RXRG: variants seen among roughly 807,000 people sequenced by gnomAD.
RXRG encodes retinoic acid receptor RXR-gamma.
RXRG carries 19 observed loss-of-function variants against 49.2 expected under a neutral mutation model. The ratio of observed to expected loss-of-function variants is 0.39; its 90% CI spans 0.27 to 0.57. The LOEUF (loss-of-function observed/expected upper bound fraction) is 0.57. Ranked by LOEUF, RXRG falls within the 20% of genes least tolerant of loss-of-function variation. The pLI, the probability that RXRG is intolerant of heterozygous loss-of-function variation, is 0.64. For synonymous variants in RXRG, 224 were observed against 216.6 expected (o/e 1.03, Z -0.30); for missense variants, 452 against 592.5 (o/e 0.76, Z 2.46).
chr1:165,413,895 A>G (rs1658037768), intron 4 of RXRG, among the ~76,000 whole-genome samples: 1 of 152,212 alleles, frequency 6.6e-6, no homozygotes, highest in Non-Finnish European at 1.5e-5. Context: ...AAAGGGCAAC[A>G]GGTCCTGGCC....
At chr1:165,436,996 T>C (rs1658835477) in intron 1 of RXRG, 4 of 1,142,000 alleles carry the variant, frequency 3.5e-6, no homozygotes, top group Non-Finnish European at 4.4e-6. Flanking sequence ...ACAAAGCACT[T>C]AATGAATATC....
intron 1 of RXRG, among the ~76,000 whole-genome samples, chr1:165,434,759 T>A (rs994802369): frequency 6.6e-6 from 1 of 152,210 alleles, no homozygotes; most frequent in African/African-American, 2.4e-5. Context: ...TGGAGGGATA[T>A]GGTGTGAAGG....
intron 4 of RXRG, 108 bp downstream of exon 4, chr1:165,416,933 T>C: frequency 9.5e-7 from 1 of 1,053,786 alleles, no homozygotes; most frequent in Non-Finnish European, 1.4e-6. Flanking sequence ...GAAGTGGAGA[T>C]TAGGATGACT....
At chr1:165,404,249 G>A (rs1331973892) in intron 9 of RXRG, among the ~76,000 whole-genome samples, 3 of 152,198 alleles carry the variant, frequency 2.0e-5, no homozygotes, top group African/African-American at 7.2e-5. Flanking sequence ...AGGGCAGTCA[G>A]CCTCAGTCCA....
At chr1:165,420,105 A>G (rs1166902980) in intron 2 of RXRG, 91 bp from the exon 3 acceptor site, 1 of 1,054,276 alleles carries the variant, frequency 9.5e-7, no homozygotes, top group Non-Finnish European at 1.3e-6. Flanking sequence ...AAGAAAAAAC[A>G]AGTTCTATTT....
chr1:165,420,288 A>T (rs950822527), intron 2 of RXRG, among the ~76,000 whole-genome samples: 4 of 152,164 alleles, frequency 2.6e-5, no homozygotes, highest in African/African-American at 9.7e-5. Context: ...CATTTTACTC[A>T]TATGTTTTAT....
chr1:165,430,004 C>T (rs1357474868), intron 1 of RXRG, among the ~76,000 whole-genome samples: 2 of 152,080 alleles, frequency 1.3e-5, no homozygotes, highest in African/African-American at 4.8e-5. Context: ...GGCACCCCAC[C>T]GTGGATCCCA....
Position 165,425,301 on chromosome 1 carries a change from T to C in RXRG, c.297+3418A>G, listed in dbSNP as rs543721624. Among the ~76,000 whole-genome samples the C allele has an allele frequency of 3.9e-5, 6 of 152,310 alleles. No individual in the cohort carries two copies. In the South Asian group the frequency reaches 1.2e-3, roughly 32 times the overall value. On this transcript the variant is annotated intron_variant, in intron 2 of 9. Coordinates refer to ENST00000359842, the MANE Select transcript of RXRG (RefSeq NM_006917.5). The stretch of plus-strand genomic sequence containing the variant: ...ACCCTATTTTATTTCTTTTCAGATA[T>C]TACGATTTTTATTTGAAACTATCTT...
intron 1 of RXRG, among the ~76,000 whole-genome samples, chr1:165,440,423 T>A (rs1186399597): frequency 6.6e-6 from 1 of 152,184 alleles, no homozygotes; most frequent in Non-Finnish European, 1.5e-5. Flanking sequence ...GATTTTTTTT[T>A]ATTTTGGAAT....
At chr1:165,435,428 C>T (rs1436251469) in intron 1 of RXRG, among the ~76,000 whole-genome samples, 1 of 152,166 alleles carries the variant, frequency 6.6e-6, no homozygotes, top group African/African-American at 2.4e-5. Flanking sequence ...CTGCCCAAGA[C>T]CCGCTAGCTG....
In RXRG at chr1:165,408,231, G is replaced by A; in HGVS notation, c.1134C>T (p.Asn378=). Residue 378 remains asparagine (N), a synonymous_variant, in exon 8 of 10, where the codon AAC becomes AAT. Transcript: ENST00000359842. ...LGCLRAIVLF[N]PDAKGLSNPS... The stretch of plus-strand genomic sequence containing the variant: ...CTGGGGTTGAAGGGCGGTTACCTGG[G>A]TTAAAGAGTACAATGGCTCGCAGGC... The A allele has an allele frequency of 6.2e-7, 1 of 1,613,462 alleles. No individual in the cohort carries two copies. Among genetic ancestry groups the A allele is most frequent in the South Asian group, 1.1e-5 (1 of 91,068 alleles).
At chr1:165,420,166 T>C in intron 2 of RXRG, 152 bp from the exon 3 acceptor site, 1 of 570,446 alleles carries the variant, frequency 1.8e-6, no homozygotes, top group Non-Finnish European at 2.7e-6. Flanking sequence ...ATCTGTGAGA[T>C]GAACTTAAGG....
Position 165,428,741 on chromosome 1 carries a change from A to C in RXRG, c.275T>G (p.Leu92Trp), listed in dbSNP as rs1325415563. 2 of 1,601,664 alleles carry C rather than the reference A, an allele frequency of 1.2e-6. No homozygotes were observed. The highest frequency in any genetic ancestry group is 1.7e-6 in the Non-Finnish European group (2 of 1,170,906). The part of the protein sequence containing the change: ...GALAAPPGIN[L>W]VAPPSSQLNV... ...TACCTGAGAGCTGGGTGGGGCAACC[A>C]AGTTGATTCCTGGAGGCGCTGCAAG... The change falls in exon 2 of 10, where the codon TTG becomes TGG. Residue 92 changes from leucine (L) to tryptophan (W), a missense_variant. Physicochemically the swap from Leu to Trp is moderately conservative, Grantham distance 61. Transcript: ENST00000359842.
intron 1 of RXRG, among the ~76,000 whole-genome samples, chr1:165,439,031 T>G (rs1288958058): frequency 2.6e-5 from 4 of 152,054 alleles, no homozygotes; most frequent in Non-Finnish European, 5.9e-5. Flanking sequence ...TGAGTAACCA[T>G]TAGCTTGTGG....
rs1004112377 is a variant in RXRG, at chr1:165,401,192, A to G, written c.*71T>C. ...GGGGTCAGGGTGGGAGGTGGAGGAA[A>G]GTGCAGGGTGGGGGTCCACACACAC... On this transcript the variant is annotated 3_prime_UTR_variant, in exon 10 of 10. Coordinates refer to ENST00000359842, the MANE Select transcript of RXRG (RefSeq NM_006917.5). 8.2e-6 allele frequency: 12 copies of G among 1,458,744 alleles called. No homozygotes were observed. Among genetic ancestry groups the G allele is most frequent in the African/African-American group, 1.4e-5 (1 of 70,694 alleles). 90.4% of individuals were successfully genotyped at this position (1,458,744 alleles called of 1,614,324 possible).
At chr1:165,425,964 G>A (rs1186401429) in intron 2 of RXRG, among the ~76,000 whole-genome samples, 1 of 152,250 alleles carries the variant, frequency 6.6e-6, no homozygotes. Flanking sequence ...TTAGGCAAAT[G>A]CAGGGTTGTG....
intron 9 of RXRG, among the ~76,000 whole-genome samples, chr1:165,405,086 C>T (rs1251968915): frequency 6.6e-6 from 1 of 152,092 alleles, no homozygotes; most frequent in Non-Finnish European, 1.5e-5. Flanking sequence ...TTTTTTTAAC[C>T]AAAGCATGCA....
chr1:165,416,975 TGAATGTCC>T, intron 4 of RXRG, 58 bp downstream of exon 4: 1 of 1,491,626 alleles, frequency 6.7e-7, no homozygotes, highest in South Asian at 1.3e-5. Context: ...GTATTGCAGT[TGAATGTCC>T]CCTTGCCTAG....
intron 3 of RXRG, among the ~76,000 whole-genome samples, chr1:165,419,330 G>A (rs111435461): frequency 2.6e-3 from 399 of 151,742 alleles, no homozygotes; most frequent in African/African-American, 6.7e-3. Context: ...TTTCTAGTTC[G>A]TTCAAATCCT....
Sources: gnomAD v4.1 joint callset for allele counts (sites outside exome capture counted in the v4.1 genomes callset) on GRCh38, gnomAD v4.1.1 for gene constraint, MANE v1.5 for transcripts, NCBI Gene and HGNC (gene_info 2026-07-23, HGNC 2026-07-21) for gene names.